FAM135A: variants seen among roughly 807,000 people sequenced by gnomAD.
FAM135A encodes protein FAM135A.
In FAM135A, 79 loss-of-function variants were observed where a neutral mutation model predicts 146.8. The ratio of observed to expected loss-of-function variants is 0.54; its 90% confidence interval spans 0.45 to 0.65. The LOEUF (loss-of-function observed/expected upper bound fraction) is 0.65. Among genes scored for constraint, FAM135A ranks in the 30% least tolerant of loss-of-function variants. The probability of loss-of-function intolerance (pLI) is 0.00; values close to 1 mark genes in which losing one functional copy is unlikely to be tolerated. For missense variants in FAM135A, 1,623 were observed against 1,758.2 expected (o/e 0.92, Z 1.38); for synonymous variants, 562 against 603.6 (o/e 0.93, Z 1.01).
At chr6:70,414,590 C>T (rs1044800307) in intron 1 of FAM135A, among the ~76,000 whole-genome samples, 1 of 149,200 alleles carries the variant, frequency 6.7e-6, no homozygotes, top group Admixed American at 6.7e-5. Context: ...TCTCTGAAGA[C>T]TTCTTTGTGA....
intron 2 of FAM135A, among the ~76,000 whole-genome samples, chr6:70,424,032 A>G (rs1002905798): frequency 6.6e-6 from 1 of 152,268 alleles, no homozygotes; most frequent in African/African-American, 2.4e-5. Flanking sequence ...AACTCTTTTC[A>G]TGAGAATGAT....
At chr6:70,428,917 T>G (rs1770818649) in intron 4 of FAM135A, among the ~76,000 whole-genome samples, 1 of 152,232 alleles carries the variant, frequency 6.6e-6, no homozygotes, top group Non-Finnish European at 1.5e-5. Context: ...TTTTCACTAT[T>G]TCACGAAAAC....
chr6:70,447,020 C>G (rs1285153358), intron 4 of FAM135A, among the ~76,000 whole-genome samples: 1 of 152,210 alleles, frequency 6.6e-6, no homozygotes, highest in Non-Finnish European at 1.5e-5. Flanking sequence ...CTTCACAATG[C>G]AAAATATAAC....
chr6:70,559,566 G>C, intron 21 of FAM135A, 150 bp from the exon 22 acceptor site: 2 of 563,344 alleles, frequency 3.6e-6, no homozygotes, highest in Non-Finnish European at 5.8e-6. Context: ...ATAGTTGAAG[G>C]AAAATTAAAC....
intron 10 of FAM135A, among the ~76,000 whole-genome samples, chr6:70,485,376 C>T (rs1205564142): frequency 5.3e-5 from 8 of 151,876 alleles, no homozygotes; most frequent in Non-Finnish European, 8.8e-5. Context: ...TTGAATGCAT[C>T]CTGTAAGAAA....
chr6:70,419,944 A>T (rs1768434147), intron 2 of FAM135A, among the ~76,000 whole-genome samples: 1 of 152,198 alleles, frequency 6.6e-6, no homozygotes, highest in Non-Finnish European at 1.5e-5. Flanking sequence ...ATTCGTTGCT[A>T]ACATGAGGCC....
intron 5 of FAM135A, among the ~76,000 whole-genome samples, chr6:70,459,496 T>C (rs924942549): frequency 5.3e-5 from 8 of 152,154 alleles, no homozygotes; most frequent in Non-Finnish European, 2.9e-5. Flanking sequence ...CTGTTGAAAA[T>C]TGATTGGTAA....
chr6:70,527,437 T>A (rs1169145428), intron 15 of FAM135A, among the ~76,000 whole-genome samples: 1 of 152,138 alleles, frequency 6.6e-6, no homozygotes, highest in East Asian at 1.9e-4. Context: ...ATACATAGTG[T>A]CTAAAGCTAG....
chr6:70,479,799 C>T (rs73482566), intron 8 of FAM135A, among the ~76,000 whole-genome samples: 7,053 of 151,972 alleles, frequency 0.046, 362 homozygotes, highest in African/African-American at 0.11. Flanking sequence ...AATCTATAGA[C>T]GTTATATCAG....
chr6:70,428,241 G>A, intron 3 of FAM135A, 63 bp from the exon 4 acceptor site: 1 of 704,976 alleles, frequency 1.4e-6, no homozygotes, highest in Non-Finnish European at 2.3e-6. Context: ...ATAAATAATA[G>A]CATTTTTATA....
intron 5 of FAM135A, among the ~76,000 whole-genome samples, chr6:70,472,996 A>G (rs535204944): frequency 6.6e-6 from 1 of 152,212 alleles, no homozygotes; most frequent in South Asian, 2.1e-4. Flanking sequence ...TTCACTTTGC[A>G]ATTAATGTCT....
Position 70,427,092 on chromosome 6 carries a change from T to C in FAM135A, c.-40+560T>C, listed in dbSNP as rs918167985. 5.9e-5 allele frequency among the ~76,000 whole-genome samples: 9 copies of C among 152,320 alleles called. No homozygotes were observed. The South Asian group carries it at 1.9e-3, about 32-fold the overall frequency. ...AATTGCTTTCTACACTTAGCTTACT[T>C]AACAGTCCAAGAAGTTATTCTTTAA... On this transcript the variant is annotated intron_variant, in intron 3 of 21. Coordinates refer to ENST00000418814, the MANE Select transcript of FAM135A (RefSeq NM_001162529.3).
chr6:70,472,653 A>G (rs968343549), intron 5 of FAM135A, among the ~76,000 whole-genome samples: 20 of 152,148 alleles, frequency 1.3e-4, no homozygotes, highest in African/African-American at 4.6e-4. Context: ...CAAATCATAT[A>G]TTGTAATTAA....
chr6:70,489,719 G>GAT (rs1415050656), intron 10 of FAM135A, among the ~76,000 whole-genome samples: 1 of 152,144 alleles, frequency 6.6e-6, no homozygotes, highest in East Asian at 1.9e-4. Context: ...TGTTTTAGAT[G>GAT]ATCCCCTTGG....
At chr6:70,529,925 G>A (rs34941671) in intron 16 of FAM135A, among the ~76,000 whole-genome samples, 1 of 152,070 alleles carries the variant, frequency 6.6e-6, no homozygotes, top group South Asian at 2.1e-4. Context: ...TTAGCTGGGC[G>A]TGGTGGCGGG....
chr6:70,559,774 C>T lies in FAM135A; in HGVS notation c.4401C>T (p.Asp1467=). 1 of 1,614,120 alleles carries T rather than the reference C, an allele frequency of 6.2e-7. No individual in the cohort carries two copies. The highest frequency in any genetic ancestry group is 1.3e-5 in the African/African-American group (1 of 75,038). The change falls in exon 22 of 22, where the codon GAC becomes GAT. Residue 1467 remains aspartate, a synonymous_variant. Transcript: ENST00000418814. ...NLLRPVLQSK[D]CNLVRYNVIN... Reference sequence around the variant, plus strand: ...TTCGACCCGTTCTGCAAAGCAAGGACTGTAATTTGGTTCGCTATAATGTCA... The same window carrying T: ...TTCGACCCGTTCTGCAAAGCAAGGATTGTAATTTGGTTCGCTATAATGTCA...
chr6:70,470,553 C>T (rs1169858411), intron 5 of FAM135A, among the ~76,000 whole-genome samples: 1 of 152,184 alleles, frequency 6.6e-6, no homozygotes, highest in Admixed American at 6.5e-5. Context: ...GACAGGATTT[C>T]GCCATGTTGG....
intron 12 of FAM135A, among the ~76,000 whole-genome samples, chr6:70,521,835 A>G (rs776199806): frequency 1.6e-4 from 24 of 152,262 alleles, no homozygotes; most frequent in African/African-American, 3.1e-4. Context: ...ACATGTATTT[A>G]TCAAGTACTT....
chr6:70,417,869 T>C (rs1174009232), intron 2 of FAM135A, among the ~76,000 whole-genome samples: 1 of 152,230 alleles, frequency 6.6e-6, no homozygotes, highest in Non-Finnish European at 1.5e-5. Context: ...TAGAACAGCC[T>C]CAGGTTTACT....
Sources: gnomAD v4.1 joint callset for allele counts (sites outside exome capture counted in the v4.1 genomes callset) on GRCh38, gnomAD v4.1.1 for gene constraint, MANE v1.5 for transcripts, NCBI Gene and HGNC (gene_info 2026-07-23, HGNC 2026-07-21) for gene names.